The following PGAP6 variants were observed in gnomAD, a reference collection of about 807,000 sequenced individuals.
PGAP6 encodes the protein post-GPI attachment to proteins 6.
Under a neutral mutation model 68.4 loss-of-function variants are expected in PGAP6, and 62 were observed. The observed-to-expected ratio is 0.91, with a 90% confidence interval of 0.74 to 1.12. The LOEUF is 1.12. PGAP6 is among the 50% of genes most tolerant of loss of function. PGAP6 has a pLI of 0.00. For synonymous variants in PGAP6, 575 were observed against 474.0 expected (o/e 1.21, Z -2.77); for missense variants, 1,188 against 1,068.5 (o/e 1.11, Z -1.56).
chr16:382,341 G>A (rs2054451690), upstream of PGAP6: 2 of 387,548 alleles, frequency 5.2e-6, no homozygotes, highest in South Asian at 1.3e-4. Flanking sequence ...GCCCGCGGGG[G>A]GCAGAGGCGC....
chr16:374,670 C>T (rs532438248), intron 9 of PGAP6, 86 bp downstream of exon 9: 35 of 1,549,788 alleles, frequency 2.3e-5, no homozygotes, highest in African/African-American at 4.1e-5. Context: ...CAGCCCCTTG[C>T]GGCGCTCCCC....
chr16:386,012 T>C (rs191376255), upstream of PGAP6, among the ~76,000 whole-genome samples: 310 of 152,236 alleles, frequency 2.0e-3, 1 homozygote, highest in Middle Eastern at 3.4e-3. Flanking sequence ...AGTTGCTGGA[T>C]AACAGGGACG....
rs749102465 is a variant in PGAP6, at chr16:372,190, CCA to C, written c.2111_2112del (p.Val704GlyfsTer11). ...ATCATGGAGGTGTAGATGGCGATGC[CCA>C]CAGAGGCCATAGAGACGCCGGGCAG... The part of the protein sequence containing the change: ...YLLPGVSMAS[V>X]GIAIYTSMMT... On this transcript the variant is annotated frameshift_variant, in exon 13 of 13. Transcript: ENST00000431232. LOFTEE classifies it low-confidence loss of function (END_TRUNC). The C allele has an allele frequency of 9.3e-6, 15 of 1,610,134 alleles. No individual in the cohort carries two copies. In the East Asian group the frequency reaches 3.4e-4, roughly 36 times the overall value.
chr16:372,788 C>T, intron 11 of PGAP6, 61 bp from the exon 12 acceptor site: 1 of 1,243,890 alleles, frequency 8.0e-7, no homozygotes, highest in Non-Finnish European at 1.1e-6. Flanking sequence ...CCAGCAGGAG[C>T]ACGCGTACCC....
At chr16:373,057 C>T (rs1424896108) in intron 11 of PGAP6, among the ~76,000 whole-genome samples, 1 of 152,206 alleles carries the variant, frequency 6.6e-6, no homozygotes, top group Non-Finnish European at 1.5e-5. Flanking sequence ...CTAGAAGTCC[C>T]CCATCAGGGT....
chr16:376,272 ACG>A lies in PGAP6; in HGVS notation c.1086_1087del (p.Val363GlyfsTer114), dbSNP rs2054382454. 6.2e-7 allele frequency: 1 copy of A among 1,612,552 alleles called. No homozygotes were observed. Among genetic ancestry groups the A allele is most frequent in the African/African-American group, 1.3e-5 (1 of 74,840 alleles). ...CAGGGGCTGGAAGTGCACCGACACC[ACG>A]TCCATGTCCTCCCGCGTGACTGGGT... On this transcript the variant is annotated frameshift_variant, in exon 6 of 13. Coordinates refer to ENST00000431232, the MANE Select transcript of PGAP6 (RefSeq NM_021259.3). LOFTEE classifies it high-confidence loss of function.
rs1197072875 is a variant in PGAP6 at position 377,744 on chromosome 16, C to G, written c.226G>C (p.Ala76Pro). 58 of 1,596,598 alleles carry G rather than the reference C, an allele frequency of 3.6e-5. No individual in the cohort carries two copies. The highest frequency in any genetic ancestry group is 4.4e-5 in the Non-Finnish European group (52 of 1,172,336). Reference protein sequence around the residue: ...RLFRFRVPPDAVLLRWLLQVS... With the variant: ...RLFRFRVPPDPVLLRWLLQVS... ...TGCAGGAGCCAGCGTAGAAGCACAG[C>G]ATCTGGGGGCACGCGGAAGCGGAAG... The change falls in exon 2 of 13, where the codon GCT becomes CCT. Residue 76 changes from alanine (A) to proline (P), a missense_variant. Physicochemically the swap from Ala to Pro is conservative, Grantham distance 27. Coordinates refer to ENST00000431232, the MANE Select transcript of PGAP6 (RefSeq NM_021259.3).
At chr16:380,352 T>A (rs996559613) in intron 1 of PGAP6, among the ~76,000 whole-genome samples, 1 of 151,078 alleles carries the variant, frequency 6.6e-6, no homozygotes, top group Non-Finnish European at 1.5e-5. Flanking sequence ...CCCAGGTTAT[T>A]TTTTTTTCTT....
chr16:374,330 A>G lies in PGAP6; in HGVS notation c.1646T>C (p.Leu549Pro). The G allele has an allele frequency of 1.2e-6, 2 of 1,604,444 alleles. No individual in the cohort carries two copies. Among genetic ancestry groups the G allele is most frequent in the Non-Finnish European group, 1.7e-6 (2 of 1,179,610 alleles). ...CATGAGGTTGCTGAGCGTGAGCAGC[A>G]GTGTGGCCGCCCTCTGCTGGGCCAC... Reference protein sequence around the residue: ...QTVAQQRAATLLLTLSNLMFL... With the variant: ...QTVAQQRAATPLLTLSNLMFL... The change falls in exon 10 of 13, where the codon CTG becomes CCG. Residue 549 changes from leucine (L) to proline (P), a missense_variant. Transcript: ENST00000431232.
In PGAP6 at chr16:377,796, G is replaced by C. The variant is rs1417206392; in HGVS notation, c.174C>G (p.Phe58Leu). Residue 58 changes from phenylalanine (F) to leucine (L), a missense_variant, in exon 2 of 13, where the codon TTC becomes TTG. By Grantham distance (22) the Phe-to-Leu change is conservative. Coordinates refer to ENST00000431232, the MANE Select transcript of PGAP6 (RefSeq NM_021259.3). ...HFSQAPQRLS[F>L]YSWYGSARLF... ...GCCTGGCACTGCCGTACCAGCTGTA[G>C]AAGGACAGCCTCTGCGGGGCCTGCG... The C allele has an allele frequency of 1.9e-6, 3 of 1,578,092 alleles. No individual in the cohort carries two copies. Among genetic ancestry groups the C allele is most frequent in the Non-Finnish European group, 1.7e-6 (2 of 1,162,506 alleles).
Position 372,616 on chromosome 16 carries a change from TGGAG to T in PGAP6, c.2010_2013del (p.Ser671CysfsTer41), listed in dbSNP as rs768663498. 100 of 1,610,916 alleles carry T rather than the reference TGGAG, an allele frequency of 6.2e-5. No individual in the cohort carries two copies. The highest frequency in any genetic ancestry group is 5.9e-6 in the Non-Finnish European group (7 of 1,179,118). On this transcript the variant is annotated frameshift_variant, in exon 12 of 13. Coordinates refer to ENST00000431232, the MANE Select transcript of PGAP6 (RefSeq NM_021259.3). LOFTEE classifies it low-confidence loss of function (END_TRUNC). The stretch of plus-strand genomic sequence containing the variant: ...CAGCCAGCCCGGCTCCTTACCCACA[TGGAG>T]GCCATGATCACGAAGGCAAAGAGGC...
At chr16:378,771 A>C (rs2054414737) in intron 1 of PGAP6, among the ~76,000 whole-genome samples, 2 of 152,142 alleles carry the variant, frequency 1.3e-5, no homozygotes, top group African/African-American at 2.4e-5. Context: ...CCAGAGGGAG[A>C]TACTGCATGT....
chr16:385,134 C>G (rs1023067435), upstream of PGAP6, among the ~76,000 whole-genome samples: 1 of 150,424 alleles, frequency 6.6e-6, no homozygotes, highest in African/African-American at 2.4e-5. Context: ...CCACTGCACT[C>G]CAGCCTGGGC....
At position 372,621 on chromosome 16, in the gene PGAP6, G is replaced by A. The variant is rs978565181; in HGVS notation, c.2009C>T (p.Ala670Val). 6.2e-7 allele frequency: 1 copy of A among 1,610,908 alleles called. No homozygotes were observed. Among genetic ancestry groups the A allele is most frequent in the Non-Finnish European group, 8.5e-7 (1 of 1,179,084 alleles). Residue 670 changes from alanine to valine, a missense_variant, in exon 12 of 13, where the codon GCC (alanine) becomes GTC (valine). Transcript: ENST00000431232. Reference protein sequence around the residue: ...GPCLFAFVIMASMWAYRCGHR... With the variant: ...GPCLFAFVIMVSMWAYRCGHR... ...AGCCCGGCTCCTTACCCACATGGAG[G>A]CCATGATCACGAAGGCAAAGAGGCA...
chr16:376,328 C>T lies in PGAP6; in HGVS notation c.1032G>A (p.Val344=), dbSNP rs761229630. The T allele has an allele frequency of 6.2e-7, 1 of 1,612,646 alleles. No individual in the cohort carries two copies. The highest frequency in any genetic ancestry group is 2.2e-5 in the East Asian group (1 of 44,862). The change falls in exon 6 of 13, where the codon GTG becomes GTA. Residue 344 remains valine (V), a synonymous_variant. Coordinates refer to ENST00000431232, the MANE Select transcript of PGAP6 (RefSeq NM_021259.3). ...TTGTGAGGCAGAAGGGGCTGCGGTC[C>T]ACCCTGCCACTCCTGCCCAGGTCCT... The part of the protein sequence containing the change: ...DHQDLGRSGR[V]DRSPFCLTNY...
intron 9 of PGAP6, 111 bp from the exon 10 acceptor site, chr16:374,510 G>C (rs2054363433): frequency 7.8e-7 from 1 of 1,287,258 alleles, no homozygotes; most frequent in Non-Finnish European, 1.0e-6. Context: ...GAGCAAGCAG[G>C]GTAGGCACGG....
Position 381,871 on chromosome 16 carries a change from C to G in PGAP6, c.-50G>C. The G allele has an allele frequency of 4.1e-6, 4 of 979,018 alleles. No homozygotes were observed. The South Asian group carries it at 1.8e-4, about 44-fold the overall frequency. The allele number at this position is 979,018 out of a possible 1,614,324, so 60.6% of individuals were successfully genotyped here. A position where few individuals can be genotyped will look rare whatever the true frequency, so the allele number is the denominator to read the frequency against. On this transcript the variant is annotated 5_prime_UTR_variant, in exon 1 of 13. Coordinates refer to ENST00000431232, the MANE Select transcript of PGAP6 (RefSeq NM_021259.3). ...CCCGGCCCGCGTCCCGCGCCGCCGG[C>G]CCCCGCCGCCGCCCGGGCAGCCTCT...
At chr16:375,529 C>CTT (rs2054374765) in intron 6 of PGAP6, 94 bp from the exon 7 acceptor site, 5 of 1,021,084 alleles carry the variant, frequency 4.9e-6, no homozygotes, top group South Asian at 4.3e-5. Flanking sequence ...GTGCTGGTGC[C>CTT]TTTCTTTTTT....
In PGAP6 at chr16:377,856, GAGA is replaced by G. The variant is rs779044882; in HGVS notation, c.122-11_122-9del. Reference sequence around the variant, plus strand: ...CGGACACCAGCCCCACCTCTGTGAGGAGAAGGAGGTGTCAGCCAGGCCGGGACC... The same window carrying G: ...CGGACACCAGCCCCACCTCTGTGAGGAGGAGGTGTCAGCCAGGCCGGGACC... On this transcript the variant is annotated splice_polypyrimidine_tract_variant and intron_variant, in intron 1 of 12. Coordinates refer to ENST00000431232, the MANE Select transcript of PGAP6 (RefSeq NM_021259.3). The G allele has an allele frequency of 3.2e-6, 5 of 1,550,274 alleles. No homozygotes were observed. Among genetic ancestry groups the G allele is most frequent in the South Asian group, 1.2e-5 (1 of 83,990 alleles).
Sources: gnomAD v4.1 joint callset for allele counts (sites outside exome capture counted in the v4.1 genomes callset) on GRCh38, gnomAD v4.1.1 for gene constraint, MANE v1.5 for transcripts, NCBI Gene and HGNC (gene_info 2026-07-23, HGNC 2026-07-21) for gene names.